Variants in HAUS5 observed in about 807,000 individuals in gnomAD.
The protein encoded by HAUS5 is HAUS augmin-like complex subunit 5.
HAUS5 carries 67 observed loss-of-function variants against 94.1 expected under a neutral mutation model. That is an observed-to-expected ratio of 0.71 (90% CI 0.58 to 0.87). The LOEUF is 0.87. Among genes scored for constraint, HAUS5 ranks in the 40% least tolerant of loss-of-function variants. HAUS5 has a pLI of 0.00. For synonymous variants in HAUS5, 339 were observed against 355.4 expected, an observed-to-expected ratio of 0.95 and a Z score of 0.52; for missense variants, 739 against 825.6, an observed-to-expected ratio of 0.90 and a Z score of 1.29.
rs372004537 is a variant in HAUS5 at position 35,612,777 on chromosome 19, C to G, written c.-18C>G. The G allele has an allele frequency of 6.5e-7, 1 of 1,537,074 alleles. No individual in the cohort carries two copies. Among genetic ancestry groups the G allele is most frequent in the East Asian group, 2.5e-5 (1 of 40,202 alleles). Reference sequence around the variant, plus strand: ...TTGAAGAGGCTGAGGGAGGCGGTGTCGCCGCCGCGGCGCTGTCATGGAGCT... The same window carrying G: ...TTGAAGAGGCTGAGGGAGGCGGTGTGGCCGCCGCGGCGCTGTCATGGAGCT... On this transcript the variant is annotated 5_prime_UTR_variant, in exon 1 of 19. Coordinates refer to ENST00000203166, the MANE Select transcript of HAUS5 (RefSeq NM_015302.2).
In HAUS5 at chr19:35,613,891, AC is replaced by A; in HGVS notation, c.187del (p.Leu63TyrfsTer16). 6.2e-7 allele frequency: 1 copy of A among 1,614,074 alleles called. No individual in the cohort carries two copies. Among genetic ancestry groups the A allele is most frequent in the Non-Finnish European group, 8.5e-7 (1 of 1,179,988 alleles). ...SQRTVKKIRG[N>X]LLWYGHQDSP... ...AGGACTGTCAAGAAGATCCGGGGAAACCTACTCTGGTAACTGCTTCTTAAAG... is the reference window on the plus strand; with the variant it reads ...AGGACTGTCAAGAAGATCCGGGGAAACTACTCTGGTAACTGCTTCTTAAAG... On this transcript the variant is annotated frameshift_variant, in exon 3 of 19. Coordinates refer to ENST00000203166, the MANE Select transcript of HAUS5 (RefSeq NM_015302.2). LOFTEE classifies it high-confidence loss of function.
intron 4 of HAUS5, 38 bp from the exon 5 acceptor site, chr19:35,615,004 C>G: frequency 6.7e-7 from 1 of 1,482,256 alleles, no homozygotes; most frequent in Non-Finnish European, 9.2e-7. Context: ...AGGCTGAGCC[C>G]CGATCAGACC....
intron 1 of HAUS5, among the ~76,000 whole-genome samples, chr19:35,613,267 C>A (rs1367978564): frequency 6.6e-6 from 1 of 152,050 alleles, no homozygotes; most frequent in Non-Finnish European, 1.5e-5. Context: ...CACTTCCTGG[C>A]AGTACATCCC....
rs778972714 is a variant in HAUS5 at position 35,613,655 on chromosome 19, C to A, written c.99-75C>A. ...GAACTCCCTAGTAAAAACTCCCTAC[C>A]ACCATCACCCTAGGAATGAGGATCC... On this transcript the variant is annotated intron_variant, in intron 1 of 18. Transcript: ENST00000203166. The A allele has an allele frequency of 3.1e-5, 43 of 1,369,928 alleles. No individual in the cohort carries two copies. In the South Asian group the frequency reaches 4.8e-4, roughly 15 times the overall value. 84.9% of individuals were successfully genotyped at this position (1,369,928 alleles called of 1,614,324 possible). A position where few individuals can be genotyped will look rare whatever the true frequency, so the allele number is the denominator to read the frequency against.
Position 35,617,356 on chromosome 19 carries a change from AG to A in HAUS5, c.629del (p.Gly210AlafsTer19). The stretch of plus-strand genomic sequence containing the variant: ...GAACCTCCTGCTTCCCCAGGCCAAG[AG>A]GGGCAGCCTCCCGTGAGTGTCCCTA... ...LQNLLLPQAKRGSLPTPHDDH... is the reference protein window; with the variant it reads ...LQNLLLPQAKXGSLPTPHDDH... On this transcript the variant is annotated frameshift_variant, in exon 8 of 19. Transcript: ENST00000203166. LOFTEE classifies it high-confidence loss of function. 1 of 1,612,822 alleles carries A rather than the reference AG, an allele frequency of 6.2e-7. No homozygotes were observed. The highest frequency in any genetic ancestry group is 8.5e-7 in the Non-Finnish European group (1 of 1,178,862).
At chr19:35,613,985 TC>T (rs764406403) in intron 3 of HAUS5, 49 bp from the exon 4 acceptor site, 4 of 1,609,636 alleles carry the variant, frequency 2.5e-6, no homozygotes, top group Non-Finnish European at 2.6e-6. Context: ...CCTATTGCCC[TC>T]CCCCCTAGAA....
rs376329496 is a variant in HAUS5, at chr19:35,612,779, C to G, written c.-16C>G. 1 of 1,539,128 alleles carries G rather than the reference C, an allele frequency of 6.5e-7. No homozygotes were observed. The highest frequency in any genetic ancestry group is 8.8e-7 in the Non-Finnish European group (1 of 1,142,818). On this transcript the variant is annotated 5_prime_UTR_variant, in exon 1 of 19. Coordinates refer to ENST00000203166, the MANE Select transcript of HAUS5 (RefSeq NM_015302.2). ...GAAGAGGCTGAGGGAGGCGGTGTCG[C>G]CGCCGCGGCGCTGTCATGGAGCTAG...
chr19:35,618,578 C>T lies in HAUS5; in HGVS notation c.895C>T (p.Arg299Trp), dbSNP rs771101470. Reference protein sequence around the residue: ...SMVHLIQEGWRTVGVLVSQRS... With the variant: ...SMVHLIQEGWWTVGVLVSQRS... ...TGTACCCCGCTTGCAGGAGGGCTGG[C>T]GGACTGTGGGTGTGCTGGTCTCCCA... The change falls in exon 12 of 19, where the codon CGG (arginine) becomes TGG (tryptophan). Residue 299 changes from arginine to tryptophan, a missense_variant. Transcript: ENST00000203166. 11 of 1,603,850 alleles carry T rather than the reference C, an allele frequency of 6.9e-6. No homozygotes were observed. Among genetic ancestry groups the T allele is most frequent in the African/African-American group, 5.3e-5 (4 of 74,770 alleles).
chr19:35,618,200 G>A lies in HAUS5; in HGVS notation c.821+5G>A. ...TGGCGACACAGAGATATCCAGGTGT[G>A]GGGCAGGGTATTCTCACAGTTGGGG... On this transcript the variant is annotated splice_donor_5th_base_variant and intron_variant, in intron 10 of 18. Coordinates refer to ENST00000203166, the MANE Select transcript of HAUS5 (RefSeq NM_015302.2). The A allele has an allele frequency of 1.3e-6, 2 of 1,597,800 alleles. No homozygotes were observed. Among genetic ancestry groups the A allele is most frequent in the Non-Finnish European group, 1.7e-6 (2 of 1,169,434 alleles).
At chr19:35,618,231 C>T in intron 10 of HAUS5, 36 bp downstream of exon 10, 1 of 1,595,938 alleles carries the variant, frequency 6.3e-7, no homozygotes, top group East Asian at 2.2e-5. Flanking sequence ...TGGGGAAGGC[C>T]ATGTGAGTGG....
chr19:35,612,736 G>A lies in HAUS5; in HGVS notation c.-59G>A. The A allele has an allele frequency of 7.7e-7, 1 of 1,295,842 alleles. No individual in the cohort carries two copies. Among genetic ancestry groups the A allele is most frequent in the Non-Finnish European group, 1.1e-6 (1 of 950,530 alleles). 80.3% of individuals were successfully genotyped at this position (1,295,842 alleles called of 1,614,324 possible). A position where few individuals can be genotyped will look rare whatever the true frequency, so the allele number is the denominator to read the frequency against. ...CACTGTTGGCGCGCCCGTGACGTCA[G>A]AGGCGGGCGCCACACTTGAAGAGGC... On this transcript the variant is annotated 5_prime_UTR_variant, in exon 1 of 19. Coordinates refer to ENST00000203166, the MANE Select transcript of HAUS5 (RefSeq NM_015302.2).
In HAUS5 at chr19:35,624,215, A is replaced by T. The variant is rs896974531; in HGVS notation, c.*1222A>T. On this transcript the variant is annotated 3_prime_UTR_variant, in exon 19 of 19. Transcript: ENST00000203166. ...CGCCTCCCAGGTTCAAGCCATTCTC[A>T]TGCCTCAGCTTCCCCAGTAGCTAGG... 5 of 140,756 alleles carry T rather than the reference A, an allele frequency of 3.6e-5. No individual in the cohort carries two copies. The highest frequency in any genetic ancestry group is 7.5e-5 in the Non-Finnish European group (5 of 66,776). The allele number at this position is 140,756 out of a possible 1,614,324, so 8.7% of individuals were successfully genotyped here.
At position 35,623,970 on chromosome 19, in the gene HAUS5, T is replaced by G. The variant is rs932118048; in HGVS notation, c.*977T>G. 3.3e-5 allele frequency: 5 copies of G among 152,156 alleles called. No homozygotes were observed. Among genetic ancestry groups the G allele is most frequent in the African/African-American group, 1.2e-4 (5 of 41,424 alleles). The allele number at this position is 152,156 out of a possible 1,614,324, so 9.4% of individuals were successfully genotyped here. A position where few individuals can be genotyped will look rare whatever the true frequency, so the allele number is the denominator to read the frequency against. ...GATGCCACCTTTTTATGCACTAAAT[T>G]TCCATGTTTAATTGGGTTATATCTG... On this transcript the variant is annotated 3_prime_UTR_variant, in exon 19 of 19. Coordinates refer to ENST00000203166, the MANE Select transcript of HAUS5 (RefSeq NM_015302.2).
chr19:35,617,581 T>C (rs1010495764), intron 8 of HAUS5, among the ~76,000 whole-genome samples: 3 of 152,080 alleles, frequency 2.0e-5, no homozygotes, highest in Non-Finnish European at 2.9e-5. Flanking sequence ...TGAGAGGCTC[T>C]GGGCACCCAG....
In HAUS5 at chr19:35,612,781, G is replaced by A. The variant is rs762963247; in HGVS notation, c.-14G>A. 9.7e-5 allele frequency: 149 copies of A among 1,539,304 alleles called. 1 individual carries two copies. The highest frequency in any genetic ancestry group is 1.2e-4 in the Non-Finnish European group (140 of 1,142,864). On this transcript the variant is annotated 5_prime_UTR_variant, in exon 1 of 19. Coordinates refer to ENST00000203166, the MANE Select transcript of HAUS5 (RefSeq NM_015302.2). ...AGAGGCTGAGGGAGGCGGTGTCGCC[G>A]CCGCGGCGCTGTCATGGAGCTAGCG... is the stretch of plus-strand genomic sequence containing the variant.
chr19:35,623,244 A>G lies in HAUS5; in HGVS notation c.*251A>G, dbSNP rs1231386139. The G allele has an allele frequency of 2.0e-6, 1 of 496,888 alleles. No individual in the cohort carries two copies. Among genetic ancestry groups the G allele is most frequent in the Admixed American group, 3.7e-5 (1 of 27,314 alleles). 30.8% of individuals were successfully genotyped at this position (496,888 alleles called of 1,614,324 possible). Reference sequence around the variant, plus strand: ...CAAAAAGTAATTGAGCACCTCCTCTAGGCGCTGGGGAGTCCACACTGAACA... The same window carrying G: ...CAAAAAGTAATTGAGCACCTCCTCTGGGCGCTGGGGAGTCCACACTGAACA... On this transcript the variant is annotated 3_prime_UTR_variant, in exon 19 of 19. Coordinates refer to ENST00000203166, the MANE Select transcript of HAUS5 (RefSeq NM_015302.2).
At position 35,613,858 on chromosome 19, in the gene HAUS5, T is replaced by C; in HGVS notation, c.162-10T>C. The C allele has an allele frequency of 6.2e-7, 1 of 1,614,160 alleles. No individual in the cohort carries two copies. Among genetic ancestry groups the C allele is most frequent in the Middle Eastern group, 1.6e-4 (1 of 6,062 alleles). ...CCATAGTAACTCCTCTTTCTGCCTC[T>C]GCACTGTAGGACTGTCAAGAAGATC... On this transcript the variant is annotated splice_polypyrimidine_tract_variant and intron_variant, in intron 2 of 18. Transcript: ENST00000203166.
At chr19:35,619,559 C>A in intron 14 of HAUS5, 54 bp from the exon 15 acceptor site, 1 of 1,599,952 alleles carries the variant, frequency 6.3e-7, no homozygotes, top group South Asian at 1.1e-5. Context: ...CAGGATGGGG[C>A]TGGGTGGACT....
intron 8 of HAUS5, 42 bp downstream of exon 8, chr19:35,617,411 G>A (rs764087814): frequency 1.4e-5 from 19 of 1,327,738 alleles, no homozygotes; most frequent in Non-Finnish European, 6.5e-6. Context: ...AAGACCCTGG[G>A]TTTTAAGTGG....
Sources: allele counts gnomAD v4.1 joint callset (sites outside exome capture counted in the v4.1 genomes callset), GRCh38; gene constraint gnomAD v4.1.1; transcripts MANE v1.5; gene names NCBI Gene and HGNC (gene_info 2026-07-23, HGNC 2026-07-21).